KSR2: variants seen among roughly 807,000 people sequenced by gnomAD.
The protein encoded by KSR2 is kinase suppressor of ras 2.
Under a neutral mutation model 107.8 loss-of-function variants are expected in KSR2, and 25 were observed. The ratio of observed to expected loss-of-function variants is 0.23; its 90% CI spans 0.17 to 0.32. The LOEUF (loss-of-function observed/expected upper bound fraction) is 0.32, where lower values mean the gene tolerates loss of function less well. KSR2 is among the 10% of genes least tolerant of loss of function. The pLI, the probability that KSR2 is intolerant of heterozygous loss-of-function variation, is 1.00. For missense variants in KSR2, 887 were observed against 1,268.9 expected (o/e 0.70, Z 4.57); for synonymous variants, 480 against 507.0 (o/e 0.95, Z 0.71).
chr12:117,712,699 C>A (rs568638694), intron 4 of KSR2, among the ~76,000 whole-genome samples: 2 of 152,228 alleles, frequency 1.3e-5, no homozygotes, highest in Non-Finnish European at 2.9e-5. Flanking sequence ...ACATCAACTT[C>A]TGCCAGGCCA....
chr12:117,933,318 T>C (rs1171314836), intron 1 of KSR2, among the ~76,000 whole-genome samples: 1 of 152,142 alleles, frequency 6.6e-6, no homozygotes, highest in East Asian at 1.9e-4. Flanking sequence ...TGGCCAGCCG[T>C]GGTGGCTCAT....
At chr12:117,578,091 T>C (rs1593012924) in intron 7 of KSR2, among the ~76,000 whole-genome samples, 3 of 152,032 alleles carry the variant, frequency 2.0e-5, no homozygotes, top group Admixed American at 2.0e-4. Context: ...GAGGCAGAGC[T>C]TGGGTGGTAC....
At chr12:117,815,996 TG>T (rs1891355850) in intron 3 of KSR2, among the ~76,000 whole-genome samples, 1 of 79,808 alleles carries the variant, frequency 1.3e-5, no homozygotes, top group Non-Finnish European at 2.1e-5. Context: ...ATAAAGTGTG[TG>T]TGTGTGTGTG....
intron 1 of KSR2, among the ~76,000 whole-genome samples, chr12:117,939,814 G>A (rs1463175840): frequency 2.0e-5 from 3 of 151,558 alleles, no homozygotes; most frequent in Non-Finnish European, 4.4e-5. Context: ...GGTTGCGGGC[G>A]CCTATAACCC....
intron 5 of KSR2, among the ~76,000 whole-genome samples, chr12:117,590,910 A>G (rs1880276641): frequency 6.6e-6 from 1 of 152,204 alleles, no homozygotes; most frequent in Non-Finnish European, 1.5e-5. Flanking sequence ...TGGAGCCAGA[A>G]GACCAGGATT....
chr12:117,757,831 T>C (rs969731988), intron 4 of KSR2, among the ~76,000 whole-genome samples: 1 of 152,216 alleles, frequency 6.6e-6, no homozygotes, highest in African/African-American at 2.4e-5. Context: ...ACATAACTAT[T>C]CTATGTACTG....
At chr12:117,469,163 T>G (rs1342536914) in intron 19 of KSR2, among the ~76,000 whole-genome samples, 1 of 152,134 alleles carries the variant, frequency 6.6e-6, no homozygotes, top group African/African-American at 2.4e-5. Flanking sequence ...TGGAGCCTCT[T>G]ATGAGGAAAT....
chr12:117,896,248 T>C (rs973608862), intron 1 of KSR2, among the ~76,000 whole-genome samples: 1 of 152,110 alleles, frequency 6.6e-6, no homozygotes, highest in Admixed American at 6.6e-5. Flanking sequence ...TCAAAAACAC[T>C]ATGCTGAGTG....
Position 117,454,092 on chromosome 12 carries a change from G to A in KSR2, c.*13107C>T, listed in dbSNP as rs1348171853. 1 of 152,208 alleles carries A rather than the reference G, an allele frequency of 6.6e-6. No individual in the cohort carries two copies. Among genetic ancestry groups the A allele is most frequent in the East Asian group, 1.9e-4 (1 of 5,206 alleles). The allele number at this position is 152,208 out of a possible 1,614,324, so 9.4% of individuals were successfully genotyped here. ...ATTTTTCAGGAATGTCCCCCTAGAG[G>A]TGGGATTCTGGGGGAGGTTCATTTG... On this transcript the variant is annotated 3_prime_UTR_variant, in exon 20 of 20. Transcript: ENST00000339824.
At chr12:117,840,811 G>A in intron 3 of KSR2, among the ~76,000 whole-genome samples, 1 of 147,804 alleles carries the variant, frequency 6.8e-6, no homozygotes, top group Admixed American at 6.8e-5. Flanking sequence ...GACCAACCTG[G>A]CCAACATGGT....
intron 14 of KSR2, among the ~76,000 whole-genome samples, chr12:117,500,063 G>A (rs553528305): frequency 2.0e-5 from 3 of 152,186 alleles, no homozygotes; most frequent in Non-Finnish European, 4.4e-5. Context: ...TGGGGAGGGA[G>A]GTAAGAGGAA....
intron 1 of KSR2, among the ~76,000 whole-genome samples, chr12:117,927,773 G>A (rs529700169): frequency 2.6e-5 from 4 of 152,252 alleles, no homozygotes; most frequent in East Asian, 1.9e-4. Flanking sequence ...TCATCAATGT[G>A]TACTCGTATA....
chr12:117,740,348 C>A (rs1302498679), intron 4 of KSR2, among the ~76,000 whole-genome samples: 2 of 119,258 alleles, frequency 1.7e-5, no homozygotes, highest in Admixed American at 2.0e-4. Context: ...GTTATATATA[C>A]TATATATAGT....
intron 3 of KSR2, among the ~76,000 whole-genome samples, chr12:117,841,133 A>C (rs537221561): frequency 2.4e-4 from 36 of 152,324 alleles, no homozygotes; most frequent in African/African-American, 8.4e-4. Flanking sequence ...AATCAGGGAA[A>C]TAATTAGAGA....
chr12:117,877,605 T>G (rs1186138253), intron 1 of KSR2, among the ~76,000 whole-genome samples: 1 of 152,190 alleles, frequency 6.6e-6, no homozygotes, highest in Non-Finnish European at 1.5e-5. Flanking sequence ...ATATGCACTC[T>G]AAGGGCTAAG....
In KSR2 at chr12:117,756,618, C is replaced by T. The variant is rs181590743; in HGVS notation, c.986+4393G>A. Reference sequence around the variant, plus strand: ...TACAAACAGATTATGTGATTTTCATCCCTGCTAATACATCCATTCTGCAGC... The same window carrying T: ...TACAAACAGATTATGTGATTTTCATTCCTGCTAATACATCCATTCTGCAGC... On this transcript the variant is annotated intron_variant, in intron 4 of 19. Coordinates refer to ENST00000339824, the MANE Select transcript of KSR2 (RefSeq NM_173598.6). Among the ~76,000 whole-genome samples, 391 of 152,302 alleles carry T rather than the reference C, an allele frequency of 2.6e-3. 1 individual carries two copies. Among genetic ancestry groups the T allele is most frequent in the African/African-American group, 8.8e-3 (365 of 41,554 alleles).
In KSR2 at chr12:117,834,580, T is replaced by C. The variant is rs575344258; in HGVS notation, c.472+20848A>G. Among the ~76,000 whole-genome samples, 24 of 152,160 alleles carry C rather than the reference T, an allele frequency of 1.6e-4. No homozygotes were observed. The South Asian group carries it at 3.5e-3, about 22-fold the overall frequency. On this transcript the variant is annotated intron_variant, in intron 3 of 19. Coordinates refer to ENST00000339824, the MANE Select transcript of KSR2 (RefSeq NM_173598.6). ...GGAGGCAACAGGAGAAGCCCAAACATAGCCTTTGAACTCAATGGAGGGGTT... is the reference window on the plus strand; with the variant it reads ...GGAGGCAACAGGAGAAGCCCAAACACAGCCTTTGAACTCAATGGAGGGGTT...
chr12:117,622,905 T>G (rs1882268422), intron 5 of KSR2, among the ~76,000 whole-genome samples: 2 of 152,106 alleles, frequency 1.3e-5, no homozygotes, highest in Non-Finnish European at 1.5e-5. Context: ...CATTGTTGGG[T>G]CTGGGAGAAA....
In KSR2 at chr12:117,467,143, G is replaced by C. The variant is rs1871184688; in HGVS notation, c.*56C>G. ...TCCTGAGCTGGCAGAGGACAGAGTA[G>C]GGAGGGAGAGGTGACGGGAGCCCAG... is the stretch of plus-strand genomic sequence containing the variant. On this transcript the variant is annotated 3_prime_UTR_variant, in exon 20 of 20. Coordinates refer to ENST00000339824, the MANE Select transcript of KSR2 (RefSeq NM_173598.6). 3.0e-6 allele frequency: 2 copies of C among 661,286 alleles called. No individual in the cohort carries two copies. The highest frequency in any genetic ancestry group is 5.5e-6 in the Non-Finnish European group (2 of 365,392). The allele number at this position is 661,286 out of a possible 1,614,324, so 41.0% of individuals were successfully genotyped here. A position where few individuals can be genotyped will look rare whatever the true frequency, so the allele number is the denominator to read the frequency against.
Sources: gnomAD v4.1 joint callset for allele counts (sites outside exome capture counted in the v4.1 genomes callset) on GRCh38, gnomAD v4.1.1 for gene constraint, MANE v1.5 for transcripts, NCBI Gene and HGNC (gene_info 2026-07-23, HGNC 2026-07-21) for gene names.